Variants in CLIC5 observed in about 807,000 individuals in gnomAD.
CLIC5 encodes chloride intracellular channel protein 5.
Under a neutral mutation model 24.7 loss-of-function variants are expected in CLIC5, and 20 were observed. That is an observed-to-expected ratio of 0.81 (90% CI 0.57 to 1.18). The LOEUF (loss-of-function observed/expected upper bound fraction) is 1.18, where lower values mean the gene tolerates loss of function less well. Ranked by LOEUF, CLIC5 falls within the 50% of genes most tolerant of loss-of-function variation. The pLI, the probability that CLIC5 is intolerant of heterozygous loss-of-function variation, is 0.00. For missense variants in CLIC5, 341 were observed against 326.1 expected (o/e 1.05, Z -0.35); for synonymous variants, 159 against 135.6 (o/e 1.17, Z -1.20).
the CLIC5 span, among the ~76,000 whole-genome samples, chr6:46,091,557 A>G: frequency 6.6e-6 from 1 of 152,008 alleles, no homozygotes; most frequent in Non-Finnish European, 1.5e-5. Flanking sequence ...ACAGGGAAAG[A>G]CCCCATCTCT....
intron 1 of CLIC5, among the ~76,000 whole-genome samples, chr6:46,004,722 C>T (rs969806836): frequency 6.6e-6 from 1 of 152,152 alleles, no homozygotes; most frequent in Admixed American, 6.5e-5. Context: ...CCACACAGAT[C>T]AGATCCCTGT....
At chr6:46,023,027 A>T (rs574820854) in intron 1 of CLIC5, among the ~76,000 whole-genome samples, 6 of 152,318 alleles carry the variant, frequency 3.9e-5, no homozygotes, top group African/African-American at 1.4e-4. Flanking sequence ...AAACAGGCTA[A>T]TATGTCCTGT....
chr6:45,926,437 T>TAGTAG (rs1425934502), intron 4 of CLIC5, among the ~76,000 whole-genome samples: 1 of 151,084 alleles, frequency 6.6e-6, no homozygotes, highest in Admixed American at 6.6e-5. Flanking sequence ...TTTGTATTTT[T>TAGTAG]AGTAGAGATG....
At chr6:46,098,854 C>G in the CLIC5 span, among the ~76,000 whole-genome samples, 1 of 152,120 alleles carries the variant, frequency 6.6e-6, no homozygotes, top group Non-Finnish European at 1.5e-5. Context: ...TAAGTGTGAA[C>G]TGGATTGAGA....
chr6:46,121,117 G>C, the CLIC5 span, among the ~76,000 whole-genome samples: 1 of 151,988 alleles, frequency 6.6e-6, no homozygotes, highest in African/African-American at 2.4e-5. Context: ...ACAACTCCGA[G>C]ACACATCATT....
intron 3 of CLIC5, among the ~76,000 whole-genome samples, chr6:45,948,036 C>A (rs1032313214): frequency 6.6e-6 from 1 of 152,138 alleles, no homozygotes; most frequent in East Asian, 1.9e-4. Context: ...ACTAGATGTG[C>A]AACCTTGGGT....
chr6:46,018,204 A>T (rs751509622), upstream of CLIC5, among the ~76,000 whole-genome samples: 3 of 152,236 alleles, frequency 2.0e-5, no homozygotes, highest in South Asian at 4.1e-4. Context: ...AATTATATGC[A>T]TAAAATGTCT....
At chr6:45,998,377 TCA>T (rs1766228506) in intron 1 of CLIC5, among the ~76,000 whole-genome samples, 1 of 152,084 alleles carries the variant, frequency 6.6e-6, no homozygotes, top group African/African-American at 2.4e-5. Flanking sequence ...GCAGTAAATA[TCA>T]AGGGAATGAT....
At chr6:46,027,013 T>C (rs1280275198) in intron 1 of CLIC5, among the ~76,000 whole-genome samples, 1 of 152,208 alleles carries the variant, frequency 6.6e-6, no homozygotes, top group African/African-American at 2.4e-5. Flanking sequence ...CACATGAATT[T>C]ATCTACTGAC....
At chr6:45,922,289 G>C (rs2127330178) in intron 4 of CLIC5, among the ~76,000 whole-genome samples, 1 of 152,312 alleles carries the variant, frequency 6.6e-6, no homozygotes. Context: ...TGGGATATAG[G>C]ACACTGTTGG....
chr6:45,936,713 TAC>T (rs1763949699), intron 4 of CLIC5, among the ~76,000 whole-genome samples: 1 of 152,096 alleles, frequency 6.6e-6, no homozygotes. Context: ...AGTTGAGCCA[TAC>T]ACAGTCACCT....
intron 1 of CLIC5, among the ~76,000 whole-genome samples, chr6:46,049,305 T>G (rs1562024187): frequency 6.6e-6 from 1 of 152,174 alleles, no homozygotes; most frequent in Non-Finnish European, 1.5e-5. Flanking sequence ...TCCCAGGAAC[T>G]TGTGAAAACA....
chr6:46,103,399 T>G, the CLIC5 span, among the ~76,000 whole-genome samples: 1 of 152,240 alleles, frequency 6.6e-6, no homozygotes, highest in East Asian at 1.9e-4. Context: ...TTTACATCTG[T>G]AGACAATCTG....
the CLIC5 span, among the ~76,000 whole-genome samples, chr6:46,118,709 T>G: frequency 6.6e-6 from 1 of 152,158 alleles, no homozygotes; most frequent in Non-Finnish European, 1.5e-5. Context: ...TCCAGGAAAA[T>G]TAAATTATTT....
Position 46,007,709 on chromosome 6 carries a change from A to C in CLIC5, c.63+7771T>G, listed in dbSNP as rs1173330226. On this transcript the variant is annotated intron_variant, in intron 1 of 5. Transcript: ENST00000339561. ...GTATATCCCAAAGTGTTAGATTGGG[A>C]ACTTATCTCATCAGAGAAGGTCAGA... Among the ~76,000 whole-genome samples, 6 of 152,142 alleles carry C rather than the reference A, an allele frequency of 3.9e-5. No homozygotes were observed. The East Asian group carries it at 1.2e-3, about 29-fold the overall frequency.
chr6:45,987,295 C>G (rs1765776524), intron 1 of CLIC5, among the ~76,000 whole-genome samples: 1 of 152,150 alleles, frequency 6.6e-6, no homozygotes, highest in East Asian at 1.9e-4. Context: ...TTTCTGCTGC[C>G]CTTTAAAGTT....
At position 45,903,250 on chromosome 6, in the gene CLIC5, C is replaced by T. The variant is rs1762558677; in HGVS notation, c.594G>A (p.Val198=). 18 of 1,574,996 alleles carry T rather than the reference C, an allele frequency of 1.1e-5. No individual in the cohort carries two copies. The highest frequency in any genetic ancestry group is 1.4e-5 in the African/African-American group (1 of 71,280). Residue 198 remains valine (V), a synonymous_variant, in exon 6 of 6, where the codon GTG becomes GTA. Transcript: ENST00000339561. ...TATCATAGTTGCGGTATTTCTTGGC[C>T]ACAATCTAAAACAGAGATGGCAGGA... is the stretch of plus-strand genomic sequence containing the variant. ...LLPKLHVVKI[V]AKKYRNYDIP... is the part of the protein sequence containing the mutation.
intron 1 of CLIC5, among the ~76,000 whole-genome samples, chr6:46,010,087 C>T (rs527902747): frequency 1.1e-4 from 17 of 152,252 alleles, no homozygotes; most frequent in East Asian, 3.9e-4. Context: ...CTCCAACAAT[C>T]GGGAACATTT....
At chr6:46,128,789 A>G in the CLIC5 span, among the ~76,000 whole-genome samples, 6 of 152,194 alleles carry the variant, frequency 3.9e-5, no homozygotes, top group Non-Finnish European at 5.9e-5. Flanking sequence ...CAGCTCTGAA[A>G]GCCCATGGAT....
Sources: gnomAD v4.1 joint callset for allele counts (sites outside exome capture counted in the v4.1 genomes callset) on GRCh38, gnomAD v4.1.1 for gene constraint, MANE v1.5 for transcripts, NCBI Gene and HGNC (gene_info 2026-07-23, HGNC 2026-07-21) for gene names.